Variants in ELAVL4 observed in about 807,000 individuals in gnomAD.
ELAVL4 encodes the protein ELAV-like protein 4.
Under a neutral mutation model 35.6 loss-of-function variants are expected in ELAVL4, and 1 was observed. That is an observed-to-expected ratio of 0.03 (90% CI 0.01 to 0.13). The LOEUF is 0.13. Ranked by LOEUF, ELAVL4 falls within the 10% of genes least tolerant of loss-of-function variation. The probability of loss-of-function intolerance (pLI) is 1.00; values close to 1 mark genes in which losing one functional copy is unlikely to be tolerated. For missense variants in ELAVL4, 267 were observed against 464.9 expected (o/e 0.57, Z 3.91); for synonymous variants, 156 against 171.0 (o/e 0.91, Z 0.69).
At chr1:50,120,700 T>C (rs1300287865) in intron 1 of ELAVL4, among the ~76,000 whole-genome samples, 1 of 152,064 alleles carries the variant, frequency 6.6e-6, no homozygotes, top group African/African-American at 2.4e-5. Flanking sequence ...GATGTTATGA[T>C]GATGATGCTC....
intron 1 of ELAVL4, among the ~76,000 whole-genome samples, chr1:50,095,783 A>C (rs1388038989): frequency 3.3e-5 from 5 of 152,182 alleles, no homozygotes; most frequent in Non-Finnish European, 7.3e-5. Flanking sequence ...GCACAAATTC[A>C]GGGGGCAAAC....
chr1:50,113,368 T>A (rs528255933), intron 1 of ELAVL4, among the ~76,000 whole-genome samples: 1 of 152,226 alleles, frequency 6.6e-6, no homozygotes, highest in African/African-American at 2.4e-5. Flanking sequence ...CTTATTTTAA[T>A]TTTTTTAAAA....
At chr1:50,116,768 T>A (rs776009309) in intron 1 of ELAVL4, among the ~76,000 whole-genome samples, 6 of 152,060 alleles carry the variant, frequency 3.9e-5, no homozygotes, top group Admixed American at 3.3e-4. Flanking sequence ...AATGACCAAG[T>A]CCCTGAAATT....
upstream of ELAVL4, chr1:50,106,420 G>A (rs1414200476): frequency 1.9e-6 from 3 of 1,573,572 alleles, no homozygotes; most frequent in Middle Eastern, 1.7e-4. Context: ...GGCGCTGGCA[G>A]CCCCACAGTG....
intron 2 of ELAVL4, among the ~76,000 whole-genome samples, chr1:50,165,521 G>GTATATATAGTA (rs1677631230): frequency 1.3e-5 from 2 of 148,268 alleles, no homozygotes; most frequent in South Asian, 2.1e-4. Flanking sequence ...GCATATATAC[G>GTATATATAGTA]TATATACATA....
At chr1:50,090,386 A>G (rs1379289732) in intron 1 of ELAVL4, among the ~76,000 whole-genome samples, 1 of 152,204 alleles carries the variant, frequency 6.6e-6, no homozygotes, top group Non-Finnish European at 1.5e-5. Flanking sequence ...TATTCTATAC[A>G]ATGTGTGCCA....
At chr1:50,163,841 A>C (rs1342719671) in intron 2 of ELAVL4, among the ~76,000 whole-genome samples, 1 of 151,906 alleles carries the variant, frequency 6.6e-6, no homozygotes, top group African/African-American at 2.4e-5. Context: ...AAACAACCCA[A>C]ACAAACAACC....
upstream of ELAVL4, among the ~76,000 whole-genome samples, chr1:50,098,947 C>T (rs890086288): frequency 5.3e-5 from 8 of 152,154 alleles, no homozygotes; most frequent in African/African-American, 1.9e-4. Flanking sequence ...AAGTGCCTGA[C>T]CACTGAAAGA....
intron 1 of ELAVL4, among the ~76,000 whole-genome samples, chr1:50,056,388 A>T (rs7547638): frequency 0.053 from 8,077 of 152,252 alleles, 240 homozygotes; most frequent in African/African-American, 0.071. Context: ...TTCATTTATG[A>T]TGGAGGTCCC....
At position 50,113,313 on chromosome 1, in the gene ELAVL4, C is replaced by T. The variant is rs549272692; in HGVS notation, c.9+4115C>T. Reference sequence around the variant, plus strand: ...TATGTAGGCCAAATACTATTTCTTCCATGAGGAGATATGCTGCTTCATTTA... The same window carrying T: ...TATGTAGGCCAAATACTATTTCTTCTATGAGGAGATATGCTGCTTCATTTA... On this transcript the variant is annotated intron_variant, in intron 1 of 6. Transcript: ENST00000371824. Among the ~76,000 whole-genome samples, 4 of 151,892 alleles carry T rather than the reference C, an allele frequency of 2.6e-5. No individual in the cohort carries two copies. The South Asian group carries it at 8.3e-4, about 32-fold the overall frequency.
rs536396290 is a variant in ELAVL4 at position 50,123,760 on chromosome 1, C to T, written c.9+14562C>T. 2.0e-5 allele frequency among the ~76,000 whole-genome samples: 3 copies of T among 152,160 alleles called. No individual in the cohort carries two copies. In the East Asian group the frequency reaches 5.8e-4, roughly 30 times the overall value. ...CCACGGTGTTCCCTACTGTTGCTCA[C>T]ACAGATCCCTCGGTCTCCAACATCT... On this transcript the variant is annotated intron_variant, in intron 1 of 6. Transcript: ENST00000371824.
chr1:50,140,564 A>C (rs1022375634), intron 1 of ELAVL4, among the ~76,000 whole-genome samples: 1 of 152,078 alleles, frequency 6.6e-6, no homozygotes, highest in East Asian at 1.9e-4. Flanking sequence ...TTTCATTCAC[A>C]TGTCAGATTT....
intron 3 of ELAVL4, among the ~76,000 whole-genome samples, chr1:50,183,056 T>C (rs1384315458): frequency 2.0e-5 from 3 of 151,746 alleles, no homozygotes; most frequent in Admixed American, 1.3e-4. Flanking sequence ...CAGGGTTTCA[T>C]CATGTTGGCC....
chr1:50,168,935 A>T (rs1011918741), intron 2 of ELAVL4, among the ~76,000 whole-genome samples: 1 of 149,388 alleles, frequency 6.7e-6, no homozygotes, highest in Non-Finnish European at 1.5e-5. Context: ...GATAGAACTG[A>T]TAGGAGATAT....
At chr1:50,146,148 C>T (rs1183540812) in intron 2 of ELAVL4, among the ~76,000 whole-genome samples, 2 of 136,496 alleles carry the variant, frequency 1.5e-5, no homozygotes, top group Non-Finnish European at 3.1e-5. Context: ...CAGCAACTGT[C>T]CTAGAGTTTT....
chr1:50,066,958 C>T (rs1316212294), intron 1 of ELAVL4, among the ~76,000 whole-genome samples: 2 of 152,094 alleles, frequency 1.3e-5, no homozygotes, highest in Admixed American at 6.6e-5. Context: ...CCAAATAGAA[C>T]AGTGCCGAAC....
chr1:50,096,130 G>A (rs1055863698), intron 1 of ELAVL4, among the ~76,000 whole-genome samples: 8 of 151,812 alleles, frequency 5.3e-5, no homozygotes, highest in African/African-American at 1.9e-4. Context: ...TTTTACTTTA[G>A]CAAATATTTA....
chr1:50,179,549 T>A (rs769632159), intron 3 of ELAVL4: 4 of 152,212 alleles, frequency 2.6e-5, no homozygotes, highest in Non-Finnish European at 5.9e-5. Context: ...TTCAGGCCAC[T>A]GTTTACCTCT....
chr1:50,175,735 T>G (rs1679910692), intron 2 of ELAVL4: 1 of 152,182 alleles, frequency 6.6e-6, no homozygotes, highest in African/African-American at 2.4e-5. Flanking sequence ...TTTTCCCAGG[T>G]TTCCTCCTAC....
Sources: gnomAD v4.1 joint callset for allele counts (sites outside exome capture counted in the v4.1 genomes callset) on GRCh38, gnomAD v4.1.1 for gene constraint, MANE v1.5 for transcripts, NCBI Gene and HGNC (gene_info 2026-07-23, HGNC 2026-07-21) for gene names.